PHF13: variants seen among roughly 807,000 people sequenced by gnomAD.
The protein encoded by PHF13 is PHD finger protein 13.
A neutral mutation model predicts 25.8 loss-of-function variants in PHF13; 1 was observed. That is an observed-to-expected ratio of 0.04 (90% confidence interval 0.01 to 0.18). The LOEUF (loss-of-function observed/expected upper bound fraction) is 0.18, where lower values mean the gene tolerates loss of function less well. Among genes scored for constraint, PHF13 ranks in the 10% least tolerant of loss-of-function variants. The probability of loss-of-function intolerance (pLI) is 1.00; values close to 1 mark genes in which losing one functional copy is unlikely to be tolerated. For missense variants in PHF13, 306 were observed against 403.2 expected (o/e 0.76, Z 2.06); for synonymous variants, 195 against 162.4 (o/e 1.20, Z -1.53).
At chr1:6,615,229 C>G (rs1262813322) in intron 1 of PHF13, among the ~76,000 whole-genome samples, 2 of 152,082 alleles carry the variant, frequency 1.3e-5, no homozygotes, top group Non-Finnish European at 2.9e-5. Flanking sequence ...CGTCGCCGCC[C>G]TCCACTTGGC....
Position 6,614,022 on chromosome 1 carries a change from C to T in PHF13, c.-45C>T. 2 of 1,530,656 alleles carry T rather than the reference C, an allele frequency of 1.3e-6. No individual in the cohort carries two copies. Among genetic ancestry groups the T allele is most frequent in the Non-Finnish European group, 1.8e-6 (2 of 1,126,306 alleles). The allele number at this position is 1,530,656 out of a possible 1,614,324, so 94.8% of individuals were successfully genotyped here. ...CCCCGGGCGGCCCCGCTCCAGCATC[C>T]CAGCTCCTGCACTCTCGCAGCCGCC... On this transcript the variant is annotated 5_prime_UTR_variant, in exon 1 of 4. Coordinates refer to ENST00000377648, the MANE Select transcript of PHF13 (RefSeq NM_153812.3).
At position 6,621,710 on chromosome 1, in the gene PHF13, G is replaced by A. The variant is rs768628208; in HGVS notation, c.*73G>A. 27 of 1,453,398 alleles carry A rather than the reference G, an allele frequency of 1.9e-5. No homozygotes were observed. The highest frequency in any genetic ancestry group is 1.9e-4 in the Middle Eastern group (1 of 5,224). 90.0% of individuals were successfully genotyped at this position (1,453,398 alleles called of 1,614,324 possible). A position where few individuals can be genotyped will look rare whatever the true frequency, so the allele number is the denominator to read the frequency against. ...GGGCTTTTTTGCCCTTCTCTTAGTT[G>A]AGCACAGAACCCTCAGCTCTGGTGC... On this transcript the variant is annotated 3_prime_UTR_variant, in exon 4 of 4. Transcript: ENST00000377648. The surrounding 1 kb of genome is among the most constrained non-coding windows in gnomAD (Gnocchi z 4.8).
Position 6,621,463 on chromosome 1 carries a change from C to T in PHF13, c.729C>T (p.Gly243=). The change falls in exon 4 of 4, where the codon GGC becomes GGT. Residue 243 remains glycine, a synonymous_variant. Coordinates refer to ENST00000377648, the MANE Select transcript of PHF13 (RefSeq NM_153812.3). This position sits in a 1 kb window ranked among gnomAD's most constrained non-coding sequence, Gnocchi z 4.8. ...VTCFCMKPFA[G]RPMIECNECH... is the part of the protein sequence containing the mutation. ...GCTTCTGCATGAAGCCATTTGCCGG[C>T]CGCCCCATGATCGAGTGTAATGAGT... 1 of 1,614,144 alleles carries T rather than the reference C, an allele frequency of 6.2e-7. No homozygotes were observed. The highest frequency in any genetic ancestry group is 8.5e-7 in the Non-Finnish European group (1 of 1,180,034).
chr1:6,614,774 G>C (rs1570221738), intron 1 of PHF13, among the ~76,000 whole-genome samples: 1 of 150,812 alleles, frequency 6.6e-6, no homozygotes, highest in Admixed American at 6.6e-5. Context: ...GGCTTTGCTG[G>C]CTCCGCCCCG....
intron 1 of PHF13, chr1:6,614,572 G>A (rs1279828251): frequency 6.8e-6 from 1 of 147,086 alleles, no homozygotes; most frequent in East Asian, 2.1e-4. Context: ...CTGCTCCCCC[G>A]ATCCCCCGGG....
At chr1:6,617,149 C>A (rs1641273420) in intron 2 of PHF13, among the ~76,000 whole-genome samples, 1 of 152,202 alleles carries the variant, frequency 6.6e-6, no homozygotes, top group African/African-American at 2.4e-5. Flanking sequence ...GTCGCCCAGG[C>A]TGGAGTGCAG....
At chr1:6,618,566 AT>A (rs1424499616) in intron 2 of PHF13, among the ~76,000 whole-genome samples, 1 of 152,136 alleles carries the variant, frequency 6.6e-6, no homozygotes, top group African/African-American at 2.4e-5. Context: ...TGCATTCAGT[AT>A]ATTTCTAGCA....
chr1:6,616,507 TAGA>T (rs1237494955), intron 1 of PHF13, among the ~76,000 whole-genome samples: 2 of 152,242 alleles, frequency 1.3e-5, no homozygotes, highest in African/African-American at 4.8e-5. Flanking sequence ...TAGACTTTTG[TAGA>T]AGTTTTTATC....
chr1:6,614,171 A>G, intron 1 of PHF13, 66 bp downstream of exon 1: 1 of 1,453,048 alleles, frequency 6.9e-7, no homozygotes, highest in South Asian at 1.2e-5. Context: ...GTCCTCAGGC[A>G]GCCAGACCCC....
At position 6,614,004 on chromosome 1, in the gene PHF13, CG is replaced by C; in HGVS notation, c.-61del. On this transcript the variant is annotated 5_prime_UTR_variant, in exon 1 of 4. Coordinates refer to ENST00000377648, the MANE Select transcript of PHF13 (RefSeq NM_153812.3). ...AGCCGCCCGAGCCCCCAGCCCCGGG[CG>C]GCCCCGCTCCAGCATCCCAGCTCCT... 7.4e-7 allele frequency: 1 copy of C among 1,346,314 alleles called. No homozygotes were observed. Among genetic ancestry groups the C allele is most frequent in the Non-Finnish European group, 1.0e-6 (1 of 969,444 alleles). The allele number at this position is 1,346,314 out of a possible 1,614,324, so 83.4% of individuals were successfully genotyped here.
In PHF13 at chr1:6,615,568, C is replaced by G. The variant is rs558153841; in HGVS notation, c.40-1189C>G. On this transcript the variant is annotated intron_variant, in intron 1 of 3. Coordinates refer to ENST00000377648, the MANE Select transcript of PHF13 (RefSeq NM_153812.3). Reference sequence around the variant, plus strand: ...CCTGCCCCCCATTTCCCCACCGGCTCTCCCCCAGCAGAGTGGCGGCCGGGT... The same window carrying G: ...CCTGCCCCCCATTTCCCCACCGGCTGTCCCCCAGCAGAGTGGCGGCCGGGT... 3.9e-5 allele frequency among the ~76,000 whole-genome samples: 6 copies of G among 152,296 alleles called. No individual in the cohort carries two copies. In the East Asian group the frequency reaches 9.7e-4, roughly 25 times the overall value.
chr1:6,622,017 T>C lies in PHF13; in HGVS notation c.*380T>C. On this transcript the variant is annotated 3_prime_UTR_variant, in exon 4 of 4. Transcript: ENST00000377648. ...CTGCTTCCACTGTGTTGGGGAGAGGTGTTCGGTTTCCCCAGCCTGTTAATG... is the reference window on the plus strand; with the variant it reads ...CTGCTTCCACTGTGTTGGGGAGAGGCGTTCGGTTTCCCCAGCCTGTTAATG... The C allele has an allele frequency of 3.2e-6, 1 of 314,134 alleles. No homozygotes were observed. 19.5% of individuals were successfully genotyped at this position (314,134 alleles called of 1,614,324 possible).
intron 1 of PHF13, 37 bp downstream of exon 1, chr1:6,614,142 C>T (rs778732196): frequency 1.9e-6 from 3 of 1,589,014 alleles, no homozygotes; most frequent in Non-Finnish European, 2.6e-6. Context: ...CCCCCGACCA[C>T]CCCCTCCGCG....
chr1:6,615,898 G>T (rs1344718402), intron 1 of PHF13, among the ~76,000 whole-genome samples: 1 of 152,134 alleles, frequency 6.6e-6, no homozygotes, highest in African/African-American at 2.4e-5. Flanking sequence ...ATCCCGACTG[G>T]CTGGGACAGT....
intron 1 of PHF13, among the ~76,000 whole-genome samples, chr1:6,616,025 A>ATTT (rs5772244): frequency 0.044 from 4,014 of 91,700 alleles, 239 homozygotes; most frequent in African/African-American, 0.076. Context: ...TGAGTGGTTG[A>ATTT]TTTTTTTTTT....
chr1:6,615,095 G>T (rs1163311534), intron 1 of PHF13, among the ~76,000 whole-genome samples: 2 of 150,824 alleles, frequency 1.3e-5, no homozygotes, highest in South Asian at 2.1e-4. Flanking sequence ...GGGCGGGTGG[G>T]GGCCGCTCCG....
chr1:6,621,837 C>T lies in PHF13; in HGVS notation c.*200C>T, dbSNP rs908401899. 2 of 621,764 alleles carry T rather than the reference C, an allele frequency of 3.2e-6. No homozygotes were observed. Among genetic ancestry groups the T allele is most frequent in the South Asian group, 3.8e-5 (2 of 51,978 alleles). The allele number at this position is 621,764 out of a possible 1,614,324, so 38.5% of individuals were successfully genotyped here. A position where few individuals can be genotyped will look rare whatever the true frequency, so the allele number is the denominator to read the frequency against. On this transcript the variant is annotated 3_prime_UTR_variant, in exon 4 of 4. Transcript: ENST00000377648. This position sits in a 1 kb window ranked among gnomAD's most constrained non-coding sequence, Gnocchi z 4.8. ...CGAATGCGACCTTTGCCAGCCAGAGCTGCTGCCAGAGCTGCGTTCCCTGCA... is the reference window on the plus strand; with the variant it reads ...CGAATGCGACCTTTGCCAGCCAGAGTTGCTGCCAGAGCTGCGTTCCCTGCA...
At position 6,614,020 on chromosome 1, in the gene PHF13, T is replaced by G; in HGVS notation, c.-47T>G. The G allele has an allele frequency of 1.4e-6, 2 of 1,450,410 alleles. No homozygotes were observed. The highest frequency in any genetic ancestry group is 1.9e-6 in the Non-Finnish European group (2 of 1,072,618). The allele number at this position is 1,450,410 out of a possible 1,614,324, so 89.8% of individuals were successfully genotyped here. On this transcript the variant is annotated 5_prime_UTR_variant, in exon 1 of 4. Coordinates refer to ENST00000377648, the MANE Select transcript of PHF13 (RefSeq NM_153812.3). ...AGCCCCGGGCGGCCCCGCTCCAGCA[T>G]CCCAGCTCCTGCACTCTCGCAGCCG...
intron 1 of PHF13, 199 bp downstream of exon 1, chr1:6,614,304 G>C: frequency 1.9e-6 from 1 of 526,384 alleles, no homozygotes; most frequent in Non-Finnish European, 3.3e-6. Flanking sequence ...TCGCCTCCGC[G>C]TCCCCTCCGC....
Sources: gnomAD v4.1 joint callset for allele counts (sites outside exome capture counted in the v4.1 genomes callset) on GRCh38, gnomAD v4.1.1 for gene constraint, Gnocchi (gnomAD v3.1) non-coding constraint, MANE v1.5 for transcripts, NCBI Gene and HGNC (gene_info 2026-07-23, HGNC 2026-07-21) for gene names.